Variants in TLE1 observed in about 807,000 individuals in gnomAD.
The protein encoded by TLE1 is TLE family member 1, transcriptional corepressor, also known as transducin-like enhancer protein 1.
Under a neutral mutation model 89.8 loss-of-function variants are expected in TLE1, and 21 were observed. The observed-to-expected ratio is 0.23, with a 90% confidence interval of 0.17 to 0.34. The LOEUF (loss-of-function observed/expected upper bound fraction) is 0.34. TLE1 is among the 10% of genes least tolerant of loss of function. The pLI is 1.00. For synonymous variants in TLE1, 447 were observed against 407.6 expected (o/e 1.10, Z -1.16); for missense variants, 795 against 1,031.2 (o/e 0.77, Z 3.14).
intron 14 of TLE1, chr9:81,599,798 T>C: frequency 3.2e-6 from 1 of 309,880 alleles, no homozygotes; most frequent in Non-Finnish European, 5.9e-6. Context: ...ATTTCTGTGT[T>C]AACGGAGGGC....
intron 15 of TLE1, among the ~76,000 whole-genome samples, chr9:81,592,774 G>A (rs1382132923): frequency 6.6e-6 from 1 of 152,156 alleles, no homozygotes; most frequent in Non-Finnish European, 1.5e-5. Flanking sequence ...TACATGAGGA[G>A]AGCCTCTGTA....
chr9:81,618,286 G>A (rs2132149542), intron 9 of TLE1, among the ~76,000 whole-genome samples: 1 of 152,250 alleles, frequency 6.6e-6, no homozygotes, highest in African/African-American at 2.4e-5. Flanking sequence ...AATAATATCT[G>A]AAAAATATTA....
chr9:81,664,418 T>C (rs891513353), intron 4 of TLE1, among the ~76,000 whole-genome samples: 1 of 152,248 alleles, frequency 6.6e-6, no homozygotes, highest in African/African-American at 2.4e-5. Context: ...CTCAGAGTCT[T>C]AAGATTTCTC....
intron 4 of TLE1, among the ~76,000 whole-genome samples, chr9:81,673,721 T>C (rs1043651629): frequency 2.6e-5 from 4 of 152,156 alleles, no homozygotes; most frequent in Admixed American, 6.5e-5. Context: ...GGGCGGCTTC[T>C]GGCGGACCAA....
chr9:81,603,372 C>T (rs1002800456), intron 14 of TLE1, among the ~76,000 whole-genome samples: 4 of 152,046 alleles, frequency 2.6e-5, no homozygotes, highest in Non-Finnish European at 5.9e-5. Context: ...TATGCCCTTT[C>T]GGTATATTGG....
chr9:81,644,702 A>G (rs1000846737), intron 6 of TLE1, among the ~76,000 whole-genome samples: 9 of 152,188 alleles, frequency 5.9e-5, no homozygotes, highest in African/African-American at 2.2e-4. Context: ...GCTTTAAAAA[A>G]GACGAATTTG....
chr9:81,666,638 G>A lies in TLE1; in HGVS notation c.235-12602C>T, dbSNP rs540790330. 3.9e-5 allele frequency among the ~76,000 whole-genome samples: 6 copies of A among 152,108 alleles called. No individual in the cohort carries two copies. The East Asian group carries it at 1.2e-3, about 29-fold the overall frequency. ...AAAAATACAAAAATTAGCCAGGCGTGGTGGTGCACGCCTGTAATCCCAGCT... is the reference window on the plus strand; with the variant it reads ...AAAAATACAAAAATTAGCCAGGCGTAGTGGTGCACGCCTGTAATCCCAGCT... On this transcript the variant is annotated intron_variant, in intron 4 of 19. Transcript: ENST00000376499.
At chr9:81,642,072 G>A (rs1828199062) in intron 6 of TLE1, among the ~76,000 whole-genome samples, 1 of 127,304 alleles carries the variant, frequency 7.9e-6, no homozygotes, top group Non-Finnish European at 1.7e-5. Flanking sequence ...CTGCTGAAAT[G>A]GTGGGTAACA....
At chr9:81,632,042 A>G (rs1472810255) in intron 8 of TLE1, among the ~76,000 whole-genome samples, 2 of 152,162 alleles carry the variant, frequency 1.3e-5, no homozygotes, top group Non-Finnish European at 2.9e-5. Flanking sequence ...GTGAGCCGAG[A>G]TAGTGCTACT....
intron 6 of TLE1, among the ~76,000 whole-genome samples, chr9:81,637,326 C>G (rs1344364399): frequency 1.3e-5 from 2 of 152,110 alleles, no homozygotes; most frequent in African/African-American, 4.8e-5. Flanking sequence ...CCACTGCACT[C>G]CAGCCTGGGT....
chr9:81,662,745 C>T (rs1483688407), intron 4 of TLE1, among the ~76,000 whole-genome samples: 1 of 151,812 alleles, frequency 6.6e-6, no homozygotes, highest in Non-Finnish European at 1.5e-5. Context: ...AATTGATATC[C>T]AAAATTAAGA....
Position 81,642,096 on chromosome 9 carries a change from A to AC in TLE1, c.373-7796_373-7795insG, listed in dbSNP as rs35532445. On this transcript the variant is annotated intron_variant, in intron 6 of 19. Transcript: ENST00000376499. ...TGGTGGGTAACAAAAAGACAAAGAT[A>AC]GTGTTAGTGATGGTGTGGAGAAAAG... Among the ~76,000 whole-genome samples the AC allele has an allele frequency of 2.6e-5, 4 of 152,006 alleles. No homozygotes were observed. In the East Asian group the frequency reaches 7.8e-4, roughly 30 times the overall value.
chr9:81,632,452 T>C (rs1826768741), intron 8 of TLE1, among the ~76,000 whole-genome samples: 1 of 149,870 alleles, frequency 6.7e-6, no homozygotes, highest in Admixed American at 6.7e-5. Context: ...AAAAAAGTTA[T>C]CAGATTTAAA....
rs769413025 is a variant in TLE1 at position 81,669,591 on chromosome 9, T to G, written c.235-15555A>C. Among the ~76,000 whole-genome samples, 65 of 151,734 alleles carry G rather than the reference T, an allele frequency of 4.3e-4. 1 individual carries two copies. The highest frequency in any genetic ancestry group is 3.2e-4 in the Non-Finnish European group (22 of 67,868). Reference sequence around the variant, plus strand: ...CTCCTCACTTGTACATGCAAATATATGCATGCTTACACCTCCACCCTCCCC... The same window carrying G: ...CTCCTCACTTGTACATGCAAATATAGGCATGCTTACACCTCCACCCTCCCC... On this transcript the variant is annotated intron_variant, in intron 4 of 19. Coordinates refer to ENST00000376499, the MANE Select transcript of TLE1 (RefSeq NM_005077.5).
chr9:81,664,070 G>A (rs1035064400), intron 4 of TLE1, among the ~76,000 whole-genome samples: 15 of 152,074 alleles, frequency 9.9e-5, no homozygotes, highest in Admixed American at 7.9e-4. Context: ...CCCACCAGTA[G>A]AACAAAATCC....
chr9:81,590,836 C>A lies in TLE1; in HGVS notation c.1798G>T (p.Val600Leu), dbSNP rs201024387. 3 of 1,614,190 alleles carry A rather than the reference C, an allele frequency of 1.9e-6. No individual in the cohort carries two copies. The highest frequency in any genetic ancestry group is 2.5e-6 in the Non-Finnish European group (3 of 1,180,044). The change falls in exon 16 of 20, where the codon GTG becomes TTG. Residue 600 changes from valine to leucine, a missense_variant. By Grantham distance (32) the Val-to-Leu change is conservative (BLOSUM62 1). This residue lies in a region of TLE1 where 214 missense variants were observed against 354.9 expected (regional missense o/e 0.60). Transcript: ENST00000376499. ...AGTGTCTGGTTGTGCAGATCCCACACAGCGATGTTGCCGTCGCTGCAGCAT... is the reference window on the plus strand; with the variant it reads ...AGTGTCTGGTTGTGCAGATCCCACAAAGCGATGTTGCCGTCGCTGCAGCAT... ...FSCCSDGNIA[V>L]WDLHNQTLVR...
intron 4 of TLE1, among the ~76,000 whole-genome samples, chr9:81,684,888 G>C (rs551895423): frequency 1.4e-4 from 22 of 152,228 alleles, no homozygotes; most frequent in African/African-American, 5.3e-4. Context: ...GGGTCCTTTG[G>C]GCTGAGCAAT....
intron 6 of TLE1, among the ~76,000 whole-genome samples, chr9:81,637,376 A>G (rs1245756257): frequency 2.0e-5 from 3 of 152,140 alleles, no homozygotes; most frequent in Non-Finnish European, 4.4e-5. Context: ...AAAAAGATGA[A>G]CTGGGTAGTA....
chr9:81,644,928 A>T (rs960548623), intron 6 of TLE1, among the ~76,000 whole-genome samples: 2 of 131,324 alleles, frequency 1.5e-5, no homozygotes, highest in Admixed American at 1.8e-4. Context: ...CGGGAAGCGG[A>T]GGTTGCAGTG....
Sources: gnomAD v4.1 joint callset for allele counts (sites outside exome capture counted in the v4.1 genomes callset) on GRCh38, gnomAD v4.1.1 for gene constraint, gnomAD v4.1.1 regional missense constraint, MANE v1.5 for transcripts, NCBI Gene and HGNC (gene_info 2026-07-23, HGNC 2026-07-21) for gene names.